Variants in KCNN2 observed in about 807,000 individuals in gnomAD.
KCNN2 encodes small conductance calcium-activated potassium channel protein 2.
A neutral mutation model predicts 55.5 loss-of-function variants in KCNN2; 24 were observed. The ratio of observed to expected loss-of-function variants is 0.43; its 90% CI spans 0.31 to 0.61. KCNN2 has a LOEUF of 0.61. Ranked by LOEUF, KCNN2 falls within the 20% of genes least tolerant of loss-of-function variation. The pLI is 0.08. For missense variants in KCNN2, 754 were observed against 853.6 expected (o/e 0.88, Z 1.45); for synonymous variants, 431 against 336.1 (o/e 1.28, Z -3.09).
intron 2 of KCNN2, among the ~76,000 whole-genome samples, chr5:114,336,646 G>C (rs185246835): frequency 2.0e-5 from 3 of 152,172 alleles, no homozygotes; most frequent in African/African-American, 7.2e-5. Context: ...ATCCAAATAA[G>C]GGACAGCAGT....
At position 114,448,953 on chromosome 5, in the gene KCNN2, TCAGGAATACGTGA is replaced by T. The variant is rs1391260931; in HGVS notation, c.1638-14094_1638-14082del. On this transcript the variant is annotated intron_variant, in intron 3 of 7. Coordinates refer to ENST00000673685, the MANE Select transcript of KCNN2 (RefSeq NM_021614.4). ...AAACAGAAGCCCTGTCAAAAAATTC[TCAGGAATACGTGA>T]CTGATACTAGACATAGAGATGTACG... Among the ~76,000 whole-genome samples, 3 of 152,302 alleles carry T rather than the reference TCAGGAATACGTGA, an allele frequency of 2.0e-5. No individual in the cohort carries two copies. The South Asian group carries it at 6.2e-4, about 32-fold the overall frequency.
chr5:114,127,402 A>C (rs1464884968), intron 1 of KCNN2, among the ~76,000 whole-genome samples: 1 of 152,150 alleles, frequency 6.6e-6, no homozygotes, highest in African/African-American at 2.4e-5. Flanking sequence ...CTGCAGGCTC[A>C]ACAACACGTG....
At chr5:114,284,246 T>A (rs373092254) in intron 2 of KCNN2, among the ~76,000 whole-genome samples, 107 of 152,310 alleles carry the variant, frequency 7.0e-4, no homozygotes, top group Middle Eastern at 3.4e-3. Flanking sequence ...TTAATCGAGT[T>A]TTTTAGTCAT....
intron 2 of KCNN2, among the ~76,000 whole-genome samples, chr5:114,277,816 C>T (rs1042382683): frequency 6.6e-6 from 1 of 152,030 alleles, no homozygotes; most frequent in African/African-American, 2.4e-5. Context: ...TTGTTATTAC[C>T]GACCTTCTGA....
chr5:114,373,640 T>TTATATATATATATATATATATATATATA lies in KCNN2; in HGVS notation c.1218+9657_1218+9658insTATATATATATATATATATATATATATA, dbSNP rs61356539. 3.2e-3 allele frequency among the ~76,000 whole-genome samples: 180 copies of TTATATATATATATATATATATATATATA among 56,618 alleles called. 24 individuals carry two copies. The highest frequency in any genetic ancestry group is 0.01 in the Middle Eastern group (1 of 98). The allele number at this position is 56,618 out of a possible 152,430, so 37.1% of individuals were successfully genotyped here. ...CTCTCATGGTGTTGTTATGAAGATT[T>TTATATATATATATATATATATATATATA]TATATATATATATATATAAAATTAC... On this transcript the variant is annotated intron_variant, in intron 2 of 7. Transcript: ENST00000673685.
intron 1 of KCNN2, among the ~76,000 whole-genome samples, chr5:114,144,419 G>C (rs1752353649): frequency 6.6e-6 from 1 of 152,144 alleles, no homozygotes; most frequent in Admixed American, 6.6e-5. Context: ...TGGAACTCCA[G>C]CAGTAGCAGC....
chr5:114,087,369 G>A (rs2112549622), intron 1 of KCNN2, among the ~76,000 whole-genome samples: 1 of 152,124 alleles, frequency 6.6e-6, no homozygotes, highest in South Asian at 2.1e-4. Flanking sequence ...TGTTCAGAAT[G>A]GTGTTTACTA....
At chr5:114,495,178 A>C (rs1365928688) in intron 7 of KCNN2, among the ~76,000 whole-genome samples, 1 of 152,120 alleles carries the variant, frequency 6.6e-6, no homozygotes. Flanking sequence ...TGTTTTAACC[A>C]CTTAGCTTTG....
At chr5:114,219,091 C>T (rs1754073467) in intron 1 of KCNN2, among the ~76,000 whole-genome samples, 1 of 152,224 alleles carries the variant, frequency 6.6e-6, no homozygotes, top group South Asian at 2.1e-4. Flanking sequence ...CAGCCAGCTG[C>T]TTTTGGGCAC....
chr5:114,399,824 C>T (rs766116455), intron 2 of KCNN2, among the ~76,000 whole-genome samples: 10 of 151,152 alleles, frequency 6.6e-5, no homozygotes, highest in Non-Finnish European at 1.2e-4. Flanking sequence ...CTTCTGGGTT[C>T]GATCTTGGGA....
intron 1 of KCNN2, among the ~76,000 whole-genome samples, chr5:114,117,943 G>GCCACATATCAC (rs1331813975): frequency 1.3e-5 from 2 of 152,148 alleles, no homozygotes; most frequent in Non-Finnish European, 2.9e-5. Context: ...TCAGGGAGGT[G>GCCACATATCAC]AACTGGTTTG....
At chr5:114,241,779 TATAC>T (rs1192434802) in intron 2 of KCNN2, among the ~76,000 whole-genome samples, 4,658 of 24,786 alleles carry the variant, frequency 0.19, 1,505 homozygotes, top group Non-Finnish European at 0.22. Context: ...TATATACATA[TATAC>T]GTATATATAT....
intron 6 of KCNN2, among the ~76,000 whole-genome samples, chr5:114,491,727 A>G (rs1747867535): frequency 6.6e-6 from 1 of 152,206 alleles, no homozygotes; most frequent in African/African-American, 2.4e-5. Context: ...CTCTAATCTA[A>G]CACACTTCAT....
At chr5:114,264,159 A>G (rs557196378) in intron 2 of KCNN2, among the ~76,000 whole-genome samples, 2 of 151,290 alleles carry the variant, frequency 1.3e-5, no homozygotes, top group African/African-American at 4.9e-5. Context: ...ACTGTTTCCA[A>G]CTCCCAAGAG....
chr5:114,487,404 T>C (rs1210785772), intron 6 of KCNN2, among the ~76,000 whole-genome samples: 1 of 152,202 alleles, frequency 6.6e-6, no homozygotes, highest in Non-Finnish European at 1.5e-5. Context: ...TATTAAAATA[T>C]CTTCTCAGTT....
chr5:114,442,247 C>CATAT (rs200102000), intron 3 of KCNN2, among the ~76,000 whole-genome samples: 2,427 of 149,332 alleles, frequency 0.016, 55 homozygotes, highest in East Asian at 0.054. Context: ...TATATATATA[C>CATAT]ATATATATAT....
intron 2 of KCNN2, among the ~76,000 whole-genome samples, chr5:114,299,825 G>T (rs1448476629): frequency 6.6e-5 from 10 of 152,138 alleles, no homozygotes. Flanking sequence ...GGTTCTGTGG[G>T]ACTTTGTGAA....
chr5:114,170,618 T>C (rs142360431), intron 1 of KCNN2, among the ~76,000 whole-genome samples: 21 of 152,112 alleles, frequency 1.4e-4, no homozygotes, highest in African/African-American at 5.1e-4. Context: ...ATGACAGCAA[T>C]ATCCAACTTT....
At chr5:114,482,468 A>T (rs1224634137) in intron 5 of KCNN2, among the ~76,000 whole-genome samples, 1 of 152,152 alleles carries the variant, frequency 6.6e-6, no homozygotes, top group East Asian at 1.9e-4. Context: ...GACATTAAGG[A>T]TGACAATTAA....
Sources: gnomAD v4.1 joint callset for allele counts (sites outside exome capture counted in the v4.1 genomes callset) on GRCh38, gnomAD v4.1.1 for gene constraint, MANE v1.5 for transcripts, NCBI Gene and HGNC (gene_info 2026-07-23, HGNC 2026-07-21) for gene names.